Variants in DENND1B observed in about 807,000 individuals in gnomAD.
DENND1B encodes the protein DENN domain containing 1B.
A neutral mutation model predicts 90.1 loss-of-function variants in DENND1B; 59 were observed. The observed-to-expected ratio is 0.65, with a 90% confidence interval of 0.53 to 0.81. The LOEUF is 0.81. Ranked by LOEUF, DENND1B falls within the 40% of genes least tolerant of loss-of-function variation. The pLI is 0.00. For missense variants in DENND1B, 862 were observed against 912.6 expected, an observed-to-expected ratio of 0.94 and a Z score of 0.71; for synonymous variants, 337 against 324.6, an observed-to-expected ratio of 1.04 and a Z score of -0.41.
chr1:197,685,656 G>A (rs1018231721), intron 3 of DENND1B: 1 of 152,032 alleles, frequency 6.6e-6, no homozygotes, highest in Non-Finnish European at 1.5e-5. Flanking sequence ...CTAGTCAAAC[G>A]AAGTAGTGGA....
chr1:197,529,242 ATG>A (rs1160722638), intron 20 of DENND1B, among the ~76,000 whole-genome samples: 22 of 10,864 alleles, frequency 2.0e-3, no homozygotes, highest in African/African-American at 3.2e-3. Flanking sequence ...ATATATATAT[ATG>A]TGTGTGTGTG....
chr1:197,756,892 G>A (rs1273996631), intron 2 of DENND1B, among the ~76,000 whole-genome samples: 1 of 150,802 alleles, frequency 6.6e-6, no homozygotes, highest in African/African-American at 2.4e-5. Context: ...AATTTTTATT[G>A]CCAGTGTTAA....
intron 15 of DENND1B, among the ~76,000 whole-genome samples, chr1:197,558,216 T>A (rs1200780515): frequency 1.3e-5 from 2 of 151,688 alleles, no homozygotes; most frequent in African/African-American, 4.8e-5. Context: ...AAAATTAAAA[T>A]CTAGATCTAA....
intron 20 of DENND1B, among the ~76,000 whole-genome samples, chr1:197,528,593 A>G (rs962448178): frequency 6.6e-6 from 1 of 152,126 alleles, no homozygotes; most frequent in Admixed American, 6.5e-5. Flanking sequence ...GGGCGCGGTG[A>G]CTCACGCCTG....
intron 3 of DENND1B, among the ~76,000 whole-genome samples, chr1:197,682,296 A>G (rs1656772070): frequency 2.0e-5 from 3 of 152,120 alleles, no homozygotes. Context: ...AAAAGTTTGG[A>G]AAAATCATAA....
intron 18 of DENND1B, 26 bp downstream of exon 18, chr1:197,545,896 G>A (rs1558224145): frequency 6.5e-7 from 1 of 1,549,020 alleles, no homozygotes; most frequent in South Asian, 1.2e-5. Context: ...TCATAAATAG[G>A]ATTGTTAAAT....
At chr1:197,765,576 A>G (rs1655604689) in intron 2 of DENND1B, among the ~76,000 whole-genome samples, 1 of 152,234 alleles carries the variant, frequency 6.6e-6, no homozygotes, top group Non-Finnish European at 1.5e-5. Flanking sequence ...TCAAAAGCAC[A>G]TCAGGAACAT....
chr1:197,617,306 A>G (rs1677741263), intron 11 of DENND1B, among the ~76,000 whole-genome samples: 1 of 151,148 alleles, frequency 6.6e-6, no homozygotes, highest in Admixed American at 6.6e-5. Flanking sequence ...CAGATTTGCC[A>G]GACAAATTCT....
intron 3 of DENND1B, among the ~76,000 whole-genome samples, chr1:197,700,906 A>C (rs1658958420): frequency 6.6e-6 from 1 of 152,192 alleles, no homozygotes; most frequent in South Asian, 2.1e-4. Context: ...GACAGTCAGC[A>C]TGGTAATTAT....
intron 13 of DENND1B, chr1:197,606,783 G>T: frequency 4.2e-6 from 1 of 239,276 alleles, no homozygotes; most frequent in Non-Finnish European, 8.0e-6. Flanking sequence ...GTAATATAAT[G>T]ATTAAGATGA....
At chr1:197,690,240 G>T in intron 3 of DENND1B, 1 of 277,480 alleles carries the variant, frequency 3.6e-6, no homozygotes, top group South Asian at 5.2e-5. Flanking sequence ...TGTTGCTGGT[G>T]ACAGCAAAAA....
chr1:197,512,789 A>G (rs1396688192), intron 21 of DENND1B, 82 bp downstream of exon 21: 4 of 1,283,122 alleles, frequency 3.1e-6, no homozygotes, highest in Non-Finnish European at 4.4e-6. Context: ...AAGAGTGCAT[A>G]CTCTTTGAAA....
intron 3 of DENND1B, among the ~76,000 whole-genome samples, chr1:197,691,151 T>A (rs905892289): frequency 6.6e-6 from 1 of 151,412 alleles, no homozygotes; most frequent in African/African-American, 2.4e-5. Context: ...AAAGAAAACA[T>A]CCTGAAGAGT....
Position 197,680,458 on chromosome 1 carries a change from G to A in DENND1B, c.127-6289C>T, listed in dbSNP as rs1656571712. On this transcript the variant is annotated intron_variant, in intron 3 of 22. Transcript: ENST00000620048. ...AGATAAGTAGACTTAAGATAAGTAG[G>A]AAAATGCTTCAAGTTTTAGAAAAAG... 3.3e-5 allele frequency among the ~76,000 whole-genome samples: 5 copies of A among 152,222 alleles called. 1 individual carries two copies. In the South Asian group the frequency reaches 1.0e-3, roughly 32 times the overall value.
chr1:197,517,009 G>A (rs1261715093), intron 20 of DENND1B, among the ~76,000 whole-genome samples: 1 of 151,860 alleles, frequency 6.6e-6, no homozygotes, highest in Non-Finnish European at 1.5e-5. Context: ...TTTGGCAAAT[G>A]TACTATTAAT....
intron 15 of DENND1B, among the ~76,000 whole-genome samples, chr1:197,569,464 T>C (rs901966900): frequency 1.3e-5 from 2 of 152,114 alleles, no homozygotes; most frequent in Non-Finnish European, 2.9e-5. Context: ...TGAAGATCTA[T>C]CTGCATTACA....
chr1:197,626,688 G>T (rs1416311622), intron 10 of DENND1B, among the ~76,000 whole-genome samples: 1 of 151,896 alleles, frequency 6.6e-6, no homozygotes, highest in Non-Finnish European at 1.5e-5. Context: ...GAGCAGAACT[G>T]AAGGAAATAG....
Position 197,674,179 on chromosome 1 carries a change from G to T in DENND1B, c.127-10C>A. ...CACTCTGTAGTATTTCCTACAAATG[G>T]AAATTTCAAAAAAAAGAAATAAGTT... On this transcript the variant is annotated splice_polypyrimidine_tract_variant and intron_variant, in intron 3 of 22. Coordinates refer to ENST00000620048, the MANE Select transcript of DENND1B (RefSeq NM_001195215.2). 1 of 1,575,976 alleles carries T rather than the reference G, an allele frequency of 6.3e-7. No homozygotes were observed. The highest frequency in any genetic ancestry group is 2.3e-5 in the East Asian group (1 of 44,316).
intron 2 of DENND1B, among the ~76,000 whole-genome samples, chr1:197,749,826 T>C (rs1299269186): frequency 6.6e-6 from 1 of 152,152 alleles, no homozygotes; most frequent in African/African-American, 2.4e-5. Flanking sequence ...GTGAAGTTTT[T>C]TGGGTTTTTT....
Sources: gnomAD v4.1 joint callset for allele counts (sites outside exome capture counted in the v4.1 genomes callset) on GRCh38, gnomAD v4.1.1 for gene constraint, MANE v1.5 for transcripts, NCBI Gene and HGNC (gene_info 2026-07-23, HGNC 2026-07-21) for gene names.